Variants in ZFHX3 observed in about 807,000 individuals in gnomAD.
ZFHX3 encodes zinc finger homeobox protein 3.
In ZFHX3, 42 loss-of-function variants were observed where a neutral mutation model predicts 279.1. The ratio of observed to expected loss-of-function variants is 0.15; its 90% CI spans 0.12 to 0.19. ZFHX3 has a LOEUF of 0.19. ZFHX3 is among the 10% of genes least tolerant of loss of function. ZFHX3 has a pLI of 1.00. For missense variants in ZFHX3, 4,981 were observed against 4,754.0 expected, an observed-to-expected ratio of 1.05 and a Z score of -1.40; for synonymous variants, 2,293 against 1,957.8, an observed-to-expected ratio of 1.17 and a Z score of -4.52.
At chr16:73,201,607 A>G (rs1168610106) in intron 5 of ZFHX3, among the ~76,000 whole-genome samples, 1 of 152,208 alleles carries the variant, frequency 6.6e-6, no homozygotes. Flanking sequence ...TGTCCATGTG[A>G]GAGGAAAATG....
At chr16:73,550,586 A>G (rs1005730892) in intron 2 of ZFHX3, among the ~76,000 whole-genome samples, 5 of 152,232 alleles carry the variant, frequency 3.3e-5, no homozygotes, top group Non-Finnish European at 5.9e-5. Flanking sequence ...AAAGTTTTTC[A>G]ACAATGAGGT....
At chr16:73,270,585 G>T (rs973964794) in intron 4 of ZFHX3, among the ~76,000 whole-genome samples, 1 of 152,162 alleles carries the variant, frequency 6.6e-6, no homozygotes, top group African/African-American at 2.4e-5. Flanking sequence ...CATGACTAGG[G>T]TTTGTGCCTG....
At chr16:73,200,320 T>C (rs1968243002) in intron 5 of ZFHX3, among the ~76,000 whole-genome samples, 1 of 152,188 alleles carries the variant, frequency 6.6e-6, no homozygotes, top group African/African-American at 2.4e-5. Flanking sequence ...TATATATTAC[T>C]AGGAAATATT....
Position 73,418,200 on chromosome 16 carries a change from C to T in ZFHX3, c.-1291+37803G>A, listed in dbSNP as rs555542273. ...TACGTTATTATAGCCATAACATTCA[C>T]AAGTTAGATAAACTTCTGAGAATAA... is the stretch of plus-strand genomic sequence containing the variant. On this transcript the variant is annotated intron_variant, in intron 3 of 17. Transcript: ENST00000641206. Among the ~76,000 whole-genome samples the T allele has an allele frequency of 3.9e-5, 6 of 152,312 alleles. No homozygotes were observed. The East Asian group carries it at 1.2e-3, about 29-fold the overall frequency.
intron 2 of ZFHX3, among the ~76,000 whole-genome samples, chr16:73,594,724 G>A (rs1389865783): frequency 6.6e-6 from 1 of 152,164 alleles, no homozygotes; most frequent in African/African-American, 2.4e-5. Context: ...CCGCCCACAA[G>A]CCTAACATTG....
chr16:73,386,109 A>G (rs779099641), intron 3 of ZFHX3, among the ~76,000 whole-genome samples: 6 of 152,122 alleles, frequency 3.9e-5, no homozygotes, highest in Non-Finnish European at 7.4e-5. Context: ...CTTTAGCACC[A>G]TTCCATGTTC....
intron 3 of ZFHX3, among the ~76,000 whole-genome samples, chr16:73,346,547 C>T (rs2016127318): frequency 6.6e-6 from 1 of 151,720 alleles, no homozygotes; most frequent in African/African-American, 2.4e-5. Context: ...TCTCGGCTCA[C>T]TGCAACCTCC....
chr16:73,526,131 G>A (rs1488070151), intron 2 of ZFHX3, among the ~76,000 whole-genome samples: 5 of 152,208 alleles, frequency 3.3e-5, no homozygotes, highest in Non-Finnish European at 7.3e-5. Flanking sequence ...GCCGCACAAT[G>A]GCCAGCGTGG....
At chr16:73,361,433 C>T (rs2143313279) in intron 3 of ZFHX3, among the ~76,000 whole-genome samples, 1 of 152,378 alleles carries the variant, frequency 6.6e-6, no homozygotes, top group East Asian at 1.9e-4. Flanking sequence ...TAGCTCACAG[C>T]TGAATCGCCC....
chr16:72,933,682 T>C (rs1021058460), intron 3 of ZFHX3, among the ~76,000 whole-genome samples: 4 of 152,204 alleles, frequency 2.6e-5, no homozygotes, highest in African/African-American at 7.2e-5. Context: ...CAGTTTTCTT[T>C]TTGTTTATGG....
chr16:73,158,473 T>G (rs1034003573), intron 5 of ZFHX3, among the ~76,000 whole-genome samples: 5 of 152,138 alleles, frequency 3.3e-5, no homozygotes, highest in Non-Finnish European at 5.9e-5. Flanking sequence ...TTTTCTCTTC[T>G]TTCTTTTAAA....
At chr16:73,308,932 T>C (rs1034349990) in intron 4 of ZFHX3, among the ~76,000 whole-genome samples, 1 of 151,866 alleles carries the variant, frequency 6.6e-6, no homozygotes, top group African/African-American at 2.4e-5. Flanking sequence ...AAGCTAAGAA[T>C]TTGGAGAAGC....
chr16:73,238,304 C>G (rs1023022110), intron 5 of ZFHX3, among the ~76,000 whole-genome samples: 1 of 152,134 alleles, frequency 6.6e-6, no homozygotes, highest in African/African-American at 2.4e-5. Flanking sequence ...ATTATCATCT[C>G]CATCCCAAAC....
At chr16:72,802,009 A>T (rs553521113) in intron 7 of ZFHX3, among the ~76,000 whole-genome samples, 3 of 151,994 alleles carry the variant, frequency 2.0e-5, no homozygotes, top group Non-Finnish European at 2.9e-5. Context: ...TGAAAAATGA[A>T]TCATGAGAAA....
intron 1 of ZFHX3, among the ~76,000 whole-genome samples, chr16:73,682,870 G>GA (rs1196944976): frequency 7.2e-5 from 2 of 27,824 alleles, no homozygotes; most frequent in African/African-American, 2.2e-4. Flanking sequence ...AAGAAAGAAA[G>GA]AAAGAAAGAA....
At chr16:73,497,895 T>C (rs1376642625) in intron 2 of ZFHX3, among the ~76,000 whole-genome samples, 1 of 152,254 alleles carries the variant, frequency 6.6e-6, no homozygotes, top group Non-Finnish European at 1.5e-5. Flanking sequence ...GATCCAGAGC[T>C]TAAATTGCTT....
intron 5 of ZFHX3, among the ~76,000 whole-genome samples, chr16:72,823,020 A>G (rs553374020): frequency 3.3e-5 from 5 of 152,290 alleles, no homozygotes; most frequent in South Asian, 2.1e-4. Context: ...TTTGTTTTCA[A>G]TTGTGAGACA....
chr16:73,735,886 A>C (rs200890987), intron 1 of ZFHX3, among the ~76,000 whole-genome samples: 7,636 of 39,242 alleles, frequency 0.19, 206 homozygotes, highest in Middle Eastern at 0.25. Flanking sequence ...AGCACCAGCC[A>C]TTCCGTTTTT....
Position 73,683,011 on chromosome 16 carries a change from G to GAA in ZFHX3, c.-1607-2772_-1607-2771insTT, listed in dbSNP as rs368636335. On this transcript the variant is annotated intron_variant, in intron 1 of 17. Transcript: ENST00000641206. Reference sequence around the variant, plus strand: ...GAAAGAAAAGAAAGAAAGAAAGAAAGAGAAAGGAGGGAGGGAGGGAGAAGG... The same window carrying GAA: ...GAAAGAAAAGAAAGAAAGAAAGAAAGAAAGAAAGGAGGGAGGGAGGGAGAAGG... Among the ~76,000 whole-genome samples the GAA allele has an allele frequency of 1.6e-3, 81 of 49,258 alleles. 1 individual carries two copies. The highest frequency in any genetic ancestry group is 2.5e-3 in the South Asian group (2 of 802). 32.3% of individuals were successfully genotyped at this position (49,258 alleles called of 152,430 possible).
Sources: gnomAD v4.1 joint callset for allele counts (sites outside exome capture counted in the v4.1 genomes callset) on GRCh38, gnomAD v4.1.1 for gene constraint, MANE v1.5 for transcripts, NCBI Gene and HGNC (gene_info 2026-07-23, HGNC 2026-07-21) for gene names.